KANSL1L: variants seen among roughly 807,000 people sequenced by gnomAD.
The protein encoded by KANSL1L is KAT8 regulatory NSL complex subunit 1 like.
KANSL1L carries 25 observed loss-of-function variants against 108.6 expected under a neutral mutation model. The observed-to-expected ratio is 0.23, with a 90% CI of 0.17 to 0.32. The LOEUF (loss-of-function observed/expected upper bound fraction) is 0.32, where lower values mean the gene tolerates loss of function less well. Among genes scored for constraint, KANSL1L ranks in the 10% least tolerant of loss-of-function variants. KANSL1L has a pLI of 1.00. For synonymous variants in KANSL1L, 405 were observed against 395.1 expected, an observed-to-expected ratio of 1.03 and a Z score of -0.30; for missense variants, 1,137 against 1,125.7, an observed-to-expected ratio of 1.01 and a Z score of -0.14.
chr2:210,040,071 C>G (rs2094147647), intron 8 of KANSL1L, among the ~76,000 whole-genome samples: 1 of 151,760 alleles, frequency 6.6e-6, no homozygotes, highest in Non-Finnish European at 1.5e-5. Flanking sequence ...TTAAGTTAAA[C>G]AAATTCTATG....
At position 210,104,197 on chromosome 2, in the gene KANSL1L, C is replaced by G; in HGVS notation, c.1335G>C (p.Gln445His). 6.2e-7 allele frequency: 1 copy of G among 1,613,766 alleles called. No homozygotes were observed. The highest frequency in any genetic ancestry group is 8.5e-7 in the Non-Finnish European group (1 of 1,179,758). The change falls in exon 4 of 15, where the codon CAG becomes CAC. Residue 445 changes from glutamine to histidine, a missense_variant. Gln to His is a conservative substitution (Grantham distance 24, BLOSUM62 0). Around this residue, in one of 3 missense-constraint regions of KANSL1L, gnomAD observed 556 missense variants for 537.7 expected, o/e 1.03. Transcript: ENST00000281772. ...AASLNILGNP[Q>H]VPQECQDPVP... ...CAGGATCTTGACACTCCTGGGGAAC[C>G]TGAGGATTCCCTAGAATGTTTAGTG...
chr2:210,107,365 A>G (rs2094857390), intron 3 of KANSL1L, among the ~76,000 whole-genome samples: 1 of 151,872 alleles, frequency 6.6e-6, no homozygotes, highest in Non-Finnish European at 1.5e-5. Context: ...AAATATTTCA[A>G]TTTTTTTCTG....
intron 7 of KANSL1L, among the ~76,000 whole-genome samples, chr2:210,041,384 C>A (rs1481207131): frequency 6.6e-6 from 1 of 152,170 alleles, no homozygotes; most frequent in Admixed American, 6.5e-5. Context: ...TAAGGAAACT[C>A]ATTTGAATAC....
rs888539989 is a variant in KANSL1L at position 210,109,303 on chromosome 2, T to C, written c.1231-5002A>G. Among the ~76,000 whole-genome samples the C allele has an allele frequency of 5.9e-5, 9 of 152,284 alleles. No homozygotes were observed. In the East Asian group the frequency reaches 1.5e-3, roughly 26 times the overall value. ...ATGATAGATAGAGCCTAAAATTTAT[T>C]AATCTTTGTGGATGTGCAGACCCCT... On this transcript the variant is annotated intron_variant, in intron 3 of 14. Transcript: ENST00000281772.
At chr2:210,126,857 C>A (rs926497545) in intron 3 of KANSL1L, among the ~76,000 whole-genome samples, 4 of 152,010 alleles carry the variant, frequency 2.6e-5, no homozygotes, top group Non-Finnish European at 4.4e-5. Flanking sequence ...GGAAGACTCA[C>A]GTCCTGATTT....
In KANSL1L at chr2:210,022,831, TA is replaced by T; in HGVS notation, c.*117del. The T allele has an allele frequency of 2.8e-6, 2 of 720,740 alleles. No individual in the cohort carries two copies. The highest frequency in any genetic ancestry group is 3.8e-5 in the South Asian group (2 of 53,020). The allele number at this position is 720,740 out of a possible 1,614,324, so 44.6% of individuals were successfully genotyped here. On this transcript the variant is annotated 3_prime_UTR_variant, in exon 15 of 15. Transcript: ENST00000281772. ...TATCTTGCCTGTTTCATAAACAGCA[TA>T]AAAGATTAATACATGCAGAACATGC... is the stretch of plus-strand genomic sequence containing the variant.
At chr2:210,060,439 C>G (rs902306156) in intron 6 of KANSL1L, among the ~76,000 whole-genome samples, 2 of 152,214 alleles carry the variant, frequency 1.3e-5, no homozygotes, top group African/African-American at 2.4e-5. Context: ...TAGGTCACTA[C>G]AGCTGTTTTC....
At chr2:210,120,096 G>C (rs893180215) in intron 3 of KANSL1L, among the ~76,000 whole-genome samples, 2 of 152,088 alleles carry the variant, frequency 1.3e-5, no homozygotes, top group Non-Finnish European at 2.9e-5. Context: ...TCCCTATTCA[G>C]TAAGTGGTGC....
intron 1 of KANSL1L, among the ~76,000 whole-genome samples, chr2:210,161,677 G>A (rs2125673198): frequency 6.6e-6 from 1 of 152,270 alleles, no homozygotes; most frequent in African/African-American, 2.4e-5. Flanking sequence ...GTGTTCAAGA[G>A]TTCGTAGAAA....
At chr2:210,102,092 G>A (rs556315938) in intron 4 of KANSL1L, among the ~76,000 whole-genome samples, 1 of 152,324 alleles carries the variant, frequency 6.6e-6, no homozygotes, top group Admixed American at 6.5e-5. Context: ...GCAAAGATCA[G>A]ATGGTTGTAG....
At chr2:210,138,128 C>T (rs1471243708) in intron 2 of KANSL1L, among the ~76,000 whole-genome samples, 1 of 151,602 alleles carries the variant, frequency 6.6e-6, no homozygotes, top group Non-Finnish European at 1.5e-5. Context: ...CATGTTACAT[C>T]GAAAGTACAA....
intron 12 of KANSL1L, among the ~76,000 whole-genome samples, chr2:210,026,758 C>A (rs2093942820): frequency 6.6e-6 from 1 of 151,988 alleles, no homozygotes; most frequent in Non-Finnish European, 1.5e-5. Flanking sequence ...TAAACAAATG[C>A]TATATTTTCT....
In KANSL1L at chr2:210,145,637, C is replaced by A. The variant is rs566147010; in HGVS notation, c.1088+7858G>T. ...GGTTCTTGTTTCTGAGGCATGGGCA[C>A]ACAGGGAATTACAAAGGTTCTGGGG... On this transcript the variant is annotated intron_variant, in intron 2 of 14. Transcript: ENST00000281772. Among the ~76,000 whole-genome samples the A allele has an allele frequency of 9.2e-5, 14 of 152,280 alleles. No homozygotes were observed. In the South Asian group the frequency reaches 2.9e-3, roughly 32 times the overall value.
At chr2:210,131,384 G>C (rs985474320) in intron 2 of KANSL1L, among the ~76,000 whole-genome samples, 2 of 152,164 alleles carry the variant, frequency 1.3e-5, no homozygotes, top group African/African-American at 4.8e-5. Context: ...TGGCATAGAA[G>C]TGAGCTTAGG....
At chr2:210,125,043 C>G (rs182712277) in intron 3 of KANSL1L, among the ~76,000 whole-genome samples, 1 of 152,226 alleles carries the variant, frequency 6.6e-6, no homozygotes, top group East Asian at 1.9e-4. Flanking sequence ...CACCTGAGGT[C>G]AGGAGTTTGA....
intron 8 of KANSL1L, among the ~76,000 whole-genome samples, chr2:210,037,774 T>C (rs542992920): frequency 7.9e-5 from 12 of 152,258 alleles, no homozygotes; most frequent in East Asian, 3.9e-4. Context: ...ACTGAAAAAG[T>C]ACGTCTGGGT....
chr2:210,076,750 C>T (rs1177115226), intron 5 of KANSL1L, among the ~76,000 whole-genome samples: 2 of 151,696 alleles, frequency 1.3e-5, no homozygotes, highest in Non-Finnish European at 2.9e-5. Flanking sequence ...TGATAACCCT[C>T]GTTGCCACAT....
At chr2:210,053,756 G>A (rs2094318510) in intron 6 of KANSL1L, among the ~76,000 whole-genome samples, 1 of 151,644 alleles carries the variant, frequency 6.6e-6, no homozygotes. Flanking sequence ...ATTAATTAAA[G>A]AGAAAAGACA....
At chr2:210,031,391 A>G (rs1237871613) in intron 9 of KANSL1L, 30 bp downstream of exon 9, 1 of 1,475,616 alleles carries the variant, frequency 6.8e-7, no homozygotes, top group East Asian at 2.3e-5. Context: ...AATATTTATC[A>G]CTACTGCTTA....
Sources: allele counts gnomAD v4.1 joint callset (sites outside exome capture counted in the v4.1 genomes callset), GRCh38; gene constraint gnomAD v4.1.1; regional missense constraint gnomAD v4.1.1; transcripts MANE v1.5; gene names NCBI Gene and HGNC (gene_info 2026-07-23, HGNC 2026-07-21).